Variants in SPATA13 observed in about 807,000 individuals in gnomAD.
SPATA13 encodes the protein spermatogenesis-associated protein 13.
In SPATA13, 50 loss-of-function variants were observed where a neutral mutation model predicts 104.0. The ratio of observed to expected loss-of-function variants is 0.48; its 90% CI spans 0.38 to 0.61. The LOEUF (loss-of-function observed/expected upper bound fraction) is 0.61. Among genes scored for constraint, SPATA13 ranks in the 20% least tolerant of loss-of-function variants. The pLI is 0.00. For synonymous variants in SPATA13, 606 were observed against 667.5 expected (o/e 0.91, Z 1.42); for missense variants, 1,524 against 1,690.6 (o/e 0.90, Z 1.73).
intron 1 of SPATA13, among the ~76,000 whole-genome samples, chr13:24,221,478 AG>A (rs5802271): frequency 0.27 from 40,491 of 151,776 alleles, 5,743 homozygotes; most frequent in Middle Eastern, 0.37. Context: ...GGAAAGGTTA[AG>A]GGGGAGCAGG....
intron 1 of SPATA13, among the ~76,000 whole-genome samples, chr13:24,171,335 G>A (rs1260373837): frequency 6.6e-6 from 1 of 152,084 alleles, no homozygotes; most frequent in Non-Finnish European, 1.5e-5. Context: ...CAGAACATGC[G>A]GGTCAGATCT....
Position 24,261,397 on chromosome 13 carries a change from C to T in SPATA13, c.2164+9535C>T, listed in dbSNP as rs191380752. On this transcript the variant is annotated intron_variant, in intron 4 of 12. Transcript: ENST00000382108. ...AAGTCAGAGCGACCTATGGGCAGCT[C>T]GATGAAGATGACATCACCATATCCT... Among the ~76,000 whole-genome samples, 43 of 152,034 alleles carry T rather than the reference C, an allele frequency of 2.8e-4. No individual in the cohort carries two copies. In the East Asian group the frequency reaches 7.7e-3, roughly 27 times the overall value.
rs1276433124 is a variant in SPATA13 at position 24,081,985 on chromosome 13, T to C, written c.-112+64284T>C. Among the ~76,000 whole-genome samples, 4 of 152,212 alleles carry C rather than the reference T, an allele frequency of 2.6e-5. No individual in the cohort carries two copies. The East Asian group carries it at 7.7e-4, about 29-fold the overall frequency. ...ATAGGTCATATGCATATCTATTTAT[T>C]TCACTGAGTGCTGCTGTATTGGTCT... On this transcript the variant is annotated intron_variant, in intron 3 of 14. Transcript: ENST00000424834.
intron 3 of SPATA13, among the ~76,000 whole-genome samples, chr13:24,063,494 G>A (rs1284514734): frequency 6.6e-6 from 1 of 151,960 alleles, no homozygotes; most frequent in Non-Finnish European, 1.5e-5. Context: ...TCCCTCGGTG[G>A]CCTTTCCTCC....
At chr13:24,124,314 G>A (rs1247329776) in intron 3 of SPATA13, among the ~76,000 whole-genome samples, 2 of 152,186 alleles carry the variant, frequency 1.3e-5, no homozygotes, top group Admixed American at 1.3e-4. Flanking sequence ...ATAAGATGAG[G>A]AAGGTAACAG....
At chr13:24,091,117 T>C (rs933996642) in intron 3 of SPATA13, among the ~76,000 whole-genome samples, 5 of 152,182 alleles carry the variant, frequency 3.3e-5, no homozygotes, top group South Asian at 2.1e-4. Context: ...GCTCTGTGTG[T>C]GTGTTGGGGC....
chr13:24,133,168 A>G (rs1881442277), intron 3 of SPATA13, among the ~76,000 whole-genome samples: 1 of 152,170 alleles, frequency 6.6e-6, no homozygotes, highest in Admixed American at 6.5e-5. Flanking sequence ...CAGTGGGATT[A>G]GACTGTGCAG....
chr13:23,991,667 G>T (rs1875423603), intron 2 of SPATA13, among the ~76,000 whole-genome samples: 1 of 152,118 alleles, frequency 6.6e-6, no homozygotes, highest in African/African-American at 2.4e-5. Context: ...GTGCACATTT[G>T]TGAAAAATTG....
chr13:24,099,264 A>G (rs1172387360), intron 3 of SPATA13, among the ~76,000 whole-genome samples: 2 of 152,232 alleles, frequency 1.3e-5, no homozygotes, highest in Admixed American at 1.3e-4. Flanking sequence ...GCATCTCTTT[A>G]TAATATCATT....
intron 2 of SPATA13, among the ~76,000 whole-genome samples, chr13:24,002,851 G>A (rs1876043276): frequency 6.6e-6 from 1 of 152,202 alleles, no homozygotes; most frequent in South Asian, 2.1e-4. Context: ...ACACAGTGTT[G>A]TAAAATCAAA....
At chr13:24,192,747 G>C (rs535651884) in intron 1 of SPATA13, among the ~76,000 whole-genome samples, 4 of 152,126 alleles carry the variant, frequency 2.6e-5, no homozygotes, top group Non-Finnish European at 5.9e-5. Flanking sequence ...GAGAAGATTT[G>C]TTGTGGAAGG....
intron 2 of SPATA13, among the ~76,000 whole-genome samples, chr13:24,001,540 T>C (rs1023641435): frequency 6.6e-6 from 1 of 151,866 alleles, no homozygotes; most frequent in Non-Finnish European, 1.5e-5. Context: ...GTGGCCGGGC[T>C]GGCTGCCGTG....
chr13:24,184,127 A>G (rs1357409680), intron 1 of SPATA13, among the ~76,000 whole-genome samples: 3 of 152,164 alleles, frequency 2.0e-5, no homozygotes, highest in African/African-American at 7.2e-5. Flanking sequence ...TACCTGTGGC[A>G]TCTGTTGACG....
chr13:24,012,124 A>G (rs1468234708), intron 2 of SPATA13, among the ~76,000 whole-genome samples: 5 of 152,240 alleles, frequency 3.3e-5, no homozygotes, highest in African/African-American at 1.2e-4. Context: ...CACACTGTCA[A>G]GAAGCCAGGT....
At chr13:24,123,667 T>C in intron 3 of SPATA13, 1 of 1,592,962 alleles carries the variant, frequency 6.3e-7, no homozygotes, top group Non-Finnish European at 8.6e-7. Context: ...TCAAACTTCA[T>C]GCATATATAT....
At chr13:24,082,371 C>T (rs908758172) in intron 3 of SPATA13, among the ~76,000 whole-genome samples, 4 of 152,202 alleles carry the variant, frequency 2.6e-5, no homozygotes, top group Admixed American at 1.3e-4. Context: ...TTTATTAAAA[C>T]AGCATAACTA....
intron 3 of SPATA13, among the ~76,000 whole-genome samples, chr13:24,061,284 T>G (rs1878762997): frequency 6.6e-6 from 1 of 152,142 alleles, no homozygotes; most frequent in Non-Finnish European, 1.5e-5. Context: ...CATACATTGG[T>G]TTAGCCATTG....
chr13:24,273,604 C>T (rs1055599776), intron 4 of SPATA13, among the ~76,000 whole-genome samples: 4 of 152,152 alleles, frequency 2.6e-5, no homozygotes, highest in Non-Finnish European at 2.9e-5. Flanking sequence ...AAGCATGTTC[C>T]TTGTCCTTGA....
chr13:24,133,349 A>T (rs1225662505), intron 3 of SPATA13, among the ~76,000 whole-genome samples: 1 of 152,190 alleles, frequency 6.6e-6, no homozygotes, highest in Non-Finnish European at 1.5e-5. Flanking sequence ...GGCTCCTGGG[A>T]CATTTGAGAT....
Sources: gnomAD v4.1 joint callset for allele counts (sites outside exome capture counted in the v4.1 genomes callset) on GRCh38, gnomAD v4.1.1 for gene constraint, MANE v1.5 for transcripts, NCBI Gene and HGNC (gene_info 2026-07-23, HGNC 2026-07-21) for gene names.